ZNF438: variants seen among roughly 807,000 people sequenced by gnomAD.
The protein encoded by ZNF438 is zinc finger protein 438.
A neutral mutation model predicts 38.0 loss-of-function variants in ZNF438; 25 were observed. That is an observed-to-expected ratio of 0.66 (90% CI 0.48 to 0.92). ZNF438 has a LOEUF of 0.92. Among genes scored for constraint, ZNF438 ranks in the 40% least tolerant of loss-of-function variants. The pLI, the probability that ZNF438 is intolerant of heterozygous loss-of-function variation, is 0.00. For missense variants in ZNF438, 1,007 were observed against 999.6 expected (o/e 1.01, Z -0.10); for synonymous variants, 372 against 364.1 (o/e 1.02, Z -0.25).
At chr10:31,011,564 C>T (rs1338493775) in intron 1 of ZNF438, among the ~76,000 whole-genome samples, 1 of 152,050 alleles carries the variant, frequency 6.6e-6, no homozygotes, top group African/African-American at 2.4e-5. Flanking sequence ...GGAAAGGGTG[C>T]GGTATAAGCC....
intron 4 of ZNF438, among the ~76,000 whole-genome samples, chr10:30,864,302 T>C (rs2133241092): frequency 6.6e-6 from 1 of 152,006 alleles, no homozygotes; most frequent in East Asian, 1.9e-4. Context: ...GGAAATGGAG[T>C]ATTCCCAACC....
chr10:30,907,333 T>C (rs1589134207), intron 3 of ZNF438, among the ~76,000 whole-genome samples: 1 of 152,174 alleles, frequency 6.6e-6, no homozygotes, highest in Non-Finnish European at 1.5e-5. Context: ...TCTTGTGTTG[T>C]TGTTGTCTTG....
At chr10:31,022,189 C>T (rs986637307) in intron 1 of ZNF438, among the ~76,000 whole-genome samples, 1 of 152,066 alleles carries the variant, frequency 6.6e-6, no homozygotes, top group African/African-American at 2.4e-5. Context: ...CAAAACCAAA[C>T]TTGCACCAAA....
intron 4 of ZNF438, among the ~76,000 whole-genome samples, chr10:30,867,025 C>T (rs979981586): frequency 6.6e-6 from 1 of 152,028 alleles, no homozygotes; most frequent in African/African-American, 2.4e-5. Context: ...TAATAGAATA[C>T]AAAAGTACAT....
intron 3 of ZNF438, among the ~76,000 whole-genome samples, chr10:30,886,588 C>T (rs1353567390): frequency 6.6e-6 from 1 of 152,154 alleles, no homozygotes; most frequent in Non-Finnish European, 1.5e-5. Context: ...TATAGTTAGG[C>T]AAAATCATCT....
rs12412097 is a variant in ZNF438, at chr10:30,884,682, G to A, written c.-31-7617C>T. On this transcript the variant is annotated intron_variant, in intron 3 of 5. Transcript: ENST00000413025. ...CTAATACAATGTGCTTTATAAACCAGTTACATGATTACTTTTTATTTTAGT... is the reference window on the plus strand; with the variant it reads ...CTAATACAATGTGCTTTATAAACCAATTACATGATTACTTTTTATTTTAGT... Among the ~76,000 whole-genome samples the A allele has an allele frequency of 2.1e-3, 323 of 152,268 alleles. 4 individuals are homozygous for A. Among genetic ancestry groups the A allele is most frequent in the East Asian group, 0.018 (92 of 5,190 alleles).
chr10:30,983,528 A>G (rs2052452540), intron 1 of ZNF438, among the ~76,000 whole-genome samples: 1 of 152,140 alleles, frequency 6.6e-6, no homozygotes, highest in Non-Finnish European at 1.5e-5. Flanking sequence ...TCATGATCCA[A>G]TCACCTCCCA....
intron 4 of ZNF438, among the ~76,000 whole-genome samples, chr10:30,869,033 C>T (rs1273853696): frequency 1.3e-5 from 2 of 152,150 alleles, no homozygotes; most frequent in African/African-American, 2.4e-5. Flanking sequence ...TGATACATAC[C>T]CAAGTAAATT....
intron 1 of ZNF438, among the ~76,000 whole-genome samples, chr10:30,957,534 T>G (rs1227856104): frequency 6.6e-6 from 1 of 152,192 alleles, no homozygotes; most frequent in Non-Finnish European, 1.5e-5. Flanking sequence ...CCATTTTGAG[T>G]TGATGTTGGT....
chr10:30,896,540 A>C (rs987530213), intron 3 of ZNF438, among the ~76,000 whole-genome samples: 2 of 152,166 alleles, frequency 1.3e-5, no homozygotes, highest in Non-Finnish European at 2.9e-5. Flanking sequence ...TGTTAAATGA[A>C]ATAAGCCCGT....
At chr10:31,025,485 A>T (rs2056882152) in intron 1 of ZNF438, among the ~76,000 whole-genome samples, 1 of 152,206 alleles carries the variant, frequency 6.6e-6, no homozygotes, top group African/African-American at 2.4e-5. Flanking sequence ...TCCAGTATTT[A>T]TTTCACACTG....
chr10:31,008,206 AAAT>A (rs575133128), intron 1 of ZNF438, among the ~76,000 whole-genome samples: 31 of 152,318 alleles, frequency 2.0e-4, no homozygotes, highest in African/African-American at 6.0e-4. Flanking sequence ...AGTCAAATTG[AAAT>A]AATAATAATA....
intron 3 of ZNF438, among the ~76,000 whole-genome samples, chr10:30,906,148 G>T (rs575129031): frequency 6.6e-6 from 1 of 152,244 alleles, no homozygotes; most frequent in East Asian, 1.9e-4. Flanking sequence ...GAACAATTTG[G>T]GGTGTATTAC....
At chr10:30,911,357 A>G (rs2043062178) in intron 2 of ZNF438, among the ~76,000 whole-genome samples, 1 of 152,192 alleles carries the variant, frequency 6.6e-6, no homozygotes, top group South Asian at 2.1e-4. Context: ...GTTCTCTAAA[A>G]TAAGTAAAAT....
chr10:30,873,853 C>T lies in ZNF438; in HGVS notation c.37+3145G>A, dbSNP rs141094171. On this transcript the variant is annotated intron_variant, in intron 4 of 5. Coordinates refer to ENST00000413025, the Ensembl canonical transcript of ZNF438. ...TACAGCATATTTTCCTTAATTTAAG[C>T]CTCACAACTCTGTTGGTGATGTCTT... Among the ~76,000 whole-genome samples the T allele has an allele frequency of 7.4e-3, 1,120 of 152,128 alleles. 11 individuals carry two copies. Among genetic ancestry groups the T allele is most frequent in the Non-Finnish European group, 0.012 (794 of 67,992 alleles).
Position 30,872,425 on chromosome 10 carries a change from C to CAAA in ZNF438, c.37+4570_37+4572dup, listed in dbSNP as rs566401687. Among the ~76,000 whole-genome samples the CAAA allele has an allele frequency of 1.5e-3, 86 of 58,692 alleles. 6 individuals are homozygous for CAAA. Among genetic ancestry groups the CAAA allele is most frequent in the Non-Finnish European group, 2.2e-3 (68 of 30,560 alleles). The allele number at this position is 58,692 out of a possible 152,430, so 38.5% of individuals were successfully genotyped here. ...TGGGTGACAGAACAAGACTCTGTCT[C>CAAA]AAAAAAAAAAAAAAAAAAAAAAAAA... On this transcript the variant is annotated intron_variant, in intron 4 of 5. Coordinates refer to ENST00000413025, the Ensembl canonical transcript of ZNF438.
At chr10:30,881,801 G>C (rs2133810535) in intron 3 of ZNF438, among the ~76,000 whole-genome samples, 1 of 152,204 alleles carries the variant, frequency 6.6e-6, no homozygotes, top group East Asian at 1.9e-4. Flanking sequence ...ATTTTCATGA[G>C]AGTCCAAAGG....
intron 1 of ZNF438, among the ~76,000 whole-genome samples, chr10:30,953,865 C>T (rs554784815): frequency 4.6e-5 from 7 of 152,086 alleles, no homozygotes; most frequent in African/African-American, 9.7e-5. Context: ...CAAAATAGGC[C>T]GGGCACAGTG....
At chr10:30,950,435 C>A (rs2048028210) in intron 1 of ZNF438, among the ~76,000 whole-genome samples, 1 of 146,584 alleles carries the variant, frequency 6.8e-6, no homozygotes, top group Admixed American at 6.8e-5. Context: ...ACAAAAAACC[C>A]TTCAAAAAAT....
Sources: allele counts gnomAD v4.1 joint callset (sites outside exome capture counted in the v4.1 genomes callset), GRCh38; gene constraint gnomAD v4.1.1; transcripts MANE v1.5; gene names NCBI Gene and HGNC (gene_info 2026-07-23, HGNC 2026-07-21).